The following INTS4 variants were observed in gnomAD, a reference collection of about 807,000 sequenced individuals.
INTS4 encodes MSTP093.
In INTS4, 70 loss-of-function variants were observed where a neutral mutation model predicts 119.5. The ratio of observed to expected loss-of-function variants is 0.59; its 90% confidence interval spans 0.48 to 0.71. The LOEUF (loss-of-function observed/expected upper bound fraction) is 0.71. Ranked by LOEUF, INTS4 falls within the 30% of genes least tolerant of loss-of-function variation. INTS4 has a pLI of 0.00. For missense variants in INTS4, 867 were observed against 1,173.2 expected, an observed-to-expected ratio of 0.74 and a Z score of 3.81; for synonymous variants, 316 against 419.6, an observed-to-expected ratio of 0.75 and a Z score of 3.02.
chr11:77,977,172 C>T (rs1855986393), intron 4 of INTS4, among the ~76,000 whole-genome samples: 1 of 152,010 alleles, frequency 6.6e-6, no homozygotes, highest in Non-Finnish European at 1.5e-5. Flanking sequence ...TTTTGATAGT[C>T]TGTGTTTCAG....
intron 4 of INTS4, among the ~76,000 whole-genome samples, chr11:77,971,032 T>C (rs1413198307): frequency 6.6e-6 from 1 of 151,994 alleles, no homozygotes; most frequent in Non-Finnish European, 1.5e-5. Flanking sequence ...GGTCTCGAAC[T>C]CCTGATCTCA....
intron 8 of INTS4, among the ~76,000 whole-genome samples, chr11:77,951,880 A>G (rs965553361): frequency 6.6e-6 from 1 of 152,248 alleles, no homozygotes; most frequent in African/African-American, 2.4e-5. Flanking sequence ...TCTCAAAAGA[A>G]GACATTTATG....
At chr11:77,880,674 G>C (rs910971423) in intron 22 of INTS4, among the ~76,000 whole-genome samples, 2 of 152,158 alleles carry the variant, frequency 1.3e-5, no homozygotes, top group Non-Finnish European at 2.9e-5. Context: ...CCAAATCCTG[G>C]TAAGAGCTGG....
At chr11:77,949,918 G>C (rs1007655422) in intron 8 of INTS4, among the ~76,000 whole-genome samples, 1 of 152,092 alleles carries the variant, frequency 6.6e-6, no homozygotes, top group Non-Finnish European at 1.5e-5. Context: ...ACATGCACAC[G>C]TATGTTTATT....
chr11:77,987,930 T>C (rs1466176171), intron 2 of INTS4, among the ~76,000 whole-genome samples: 1 of 152,042 alleles, frequency 6.6e-6, no homozygotes, highest in Non-Finnish European at 1.5e-5. Flanking sequence ...CTGAGGTAGG[T>C]GAATCGCTTG....
At chr11:77,941,458 C>CTTTTTTTTT (rs35544689) in intron 8 of INTS4, among the ~76,000 whole-genome samples, 2 of 138,456 alleles carry the variant, frequency 1.4e-5, no homozygotes, top group South Asian at 2.3e-4. Context: ...ACCTACTGTG[C>CTTTTTTTTT]TTTTTTTTTT....
intron 4 of INTS4, among the ~76,000 whole-genome samples, chr11:77,974,238 C>CTTTTT (rs60093605): frequency 0.014 from 1,148 of 84,078 alleles, no homozygotes; most frequent in Non-Finnish European, 0.019. Flanking sequence ...TTTTTCTTTT[C>CTTTTT]TTTTTTTTTT....
chr11:77,985,457 C>A (rs1434823288), intron 2 of INTS4, among the ~76,000 whole-genome samples: 1 of 152,136 alleles, frequency 6.6e-6, no homozygotes, highest in East Asian at 1.9e-4. Flanking sequence ...TCCAACTGGC[C>A]AAAATCTATT....
intron 4 of INTS4, among the ~76,000 whole-genome samples, chr11:77,977,554 C>A (rs1247852388): frequency 6.6e-6 from 1 of 151,776 alleles, no homozygotes; most frequent in African/African-American, 2.4e-5. Context: ...GAAAAAAAAT[C>A]AGAAAGCCAT....
intron 10 of INTS4, among the ~76,000 whole-genome samples, chr11:77,930,839 A>G (rs553889821): frequency 2.6e-5 from 4 of 152,330 alleles, no homozygotes; most frequent in African/African-American, 7.2e-5. Context: ...ATTAAAAATA[A>G]ATAAATAATA....
intron 3 of INTS4, among the ~76,000 whole-genome samples, chr11:77,980,719 A>C (rs11533287): frequency 0.39 from 58,908 of 152,080 alleles, 11,645 homozygotes; most frequent in African/African-American, 0.43. Context: ...GGCCGGGCAC[A>C]GTGGCTCACG....
rs768496944 is a variant in INTS4 at position 77,891,428 on chromosome 11, G to A, written c.2483C>T (p.Ala828Val). Residue 828 changes from alanine to valine, a missense_variant, in exon 21 of 23, where the codon GCG becomes GTG. Coordinates refer to ENST00000534064, the MANE Select transcript of INTS4 (RefSeq NM_033547.4). ...HKASATIIEP[A>V]GESDNPLRFT... ...CCGCAAAGGGTTGTCTGACTCGCCC[G>A]CTGGCTCGATGATGGTGGCTGAGGC... The A allele has an allele frequency of 4.9e-5, 79 of 1,613,594 alleles. No homozygotes were observed. The highest frequency in any genetic ancestry group is 6.1e-5 in the Non-Finnish European group (72 of 1,179,750).
intron 2 of INTS4, among the ~76,000 whole-genome samples, chr11:77,982,141 T>G (rs1856265055): frequency 6.6e-6 from 1 of 150,852 alleles, no homozygotes. Flanking sequence ...CCTGTCTTTT[T>G]TTTTTTTTTT....
At chr11:77,927,186 A>G (rs1953528506) in intron 11 of INTS4, among the ~76,000 whole-genome samples, 1 of 152,214 alleles carries the variant, frequency 6.6e-6, no homozygotes. Context: ...GGAATGGTGG[A>G]AAAGAAAGCT....
intron 22 of INTS4, among the ~76,000 whole-genome samples, chr11:77,883,015 G>A (rs938150789): frequency 6.6e-6 from 1 of 152,158 alleles, no homozygotes; most frequent in Admixed American, 6.5e-5. Flanking sequence ...GACAGAGGTT[G>A]CAGTGAGCCG....
chr11:77,891,937 A>G (rs1232829666), intron 19 of INTS4, 97 bp from the exon 20 acceptor site: 2 of 1,573,250 alleles, frequency 1.3e-6, no homozygotes, highest in East Asian at 4.5e-5. Context: ...AGTAGGAAGA[A>G]TGATGAAGTG....
chr11:77,973,601 C>A lies in INTS4; in HGVS notation c.471+5395G>T, dbSNP rs539065472. On this transcript the variant is annotated intron_variant, in intron 4 of 22. Coordinates refer to ENST00000534064, the MANE Select transcript of INTS4 (RefSeq NM_033547.4). ...CAAGGGTCAGGAAGTTCCATCTATT[C>A]CTGACCTATTCTATCCTAAAGCCTA... 6.6e-5 allele frequency among the ~76,000 whole-genome samples: 10 copies of A among 151,894 alleles called. No individual in the cohort carries two copies. In the East Asian group the frequency reaches 1.9e-3, roughly 29 times the overall value.
At position 77,966,985 on chromosome 11, in the gene INTS4, C is replaced by T. The variant is rs1427805764; in HGVS notation, c.472-5847G>A. 2.6e-5 allele frequency among the ~76,000 whole-genome samples: 4 copies of T among 152,110 alleles called. No individual in the cohort carries two copies. The East Asian group carries it at 7.7e-4, about 29-fold the overall frequency. ...TACTACTACCAATGCACAAGGGTTC[C>T]AATCCTTGCCAATACTTTTTTTTTC... On this transcript the variant is annotated intron_variant, in intron 4 of 22. Transcript: ENST00000534064.
At chr11:77,896,454 C>T (rs1952522480) in intron 18 of INTS4, among the ~76,000 whole-genome samples, 1 of 152,040 alleles carries the variant, frequency 6.6e-6, no homozygotes, top group African/African-American at 2.4e-5. Context: ...AAGTTCAAGA[C>T]CAGCCTGACC....
Sources: gnomAD v4.1 joint callset for allele counts (sites outside exome capture counted in the v4.1 genomes callset) on GRCh38, gnomAD v4.1.1 for gene constraint, MANE v1.5 for transcripts, NCBI Gene and HGNC (gene_info 2026-07-23, HGNC 2026-07-21) for gene names.